RAP1GAP2: variants seen among roughly 807,000 people sequenced by gnomAD.
The protein encoded by RAP1GAP2 is rap1 GTPase-activating protein 2.
In RAP1GAP2, 27 loss-of-function variants were observed where a neutral mutation model predicts 95.0. That is an observed-to-expected ratio of 0.28 (90% CI 0.21 to 0.39). The LOEUF (loss-of-function observed/expected upper bound fraction) is 0.39, where lower values mean the gene tolerates loss of function less well. Ranked by LOEUF, RAP1GAP2 falls within the 10% of genes least tolerant of loss-of-function variation. The pLI, the probability that RAP1GAP2 is intolerant of heterozygous loss-of-function variation, is 1.00. For missense variants in RAP1GAP2, 771 were observed against 970.0 expected (o/e 0.79, Z 2.72); for synonymous variants, 373 against 380.9 (o/e 0.98, Z 0.24).
chr17:2,852,902 C>A (rs950148872), intron 2 of RAP1GAP2, among the ~76,000 whole-genome samples: 1 of 152,054 alleles, frequency 6.6e-6, no homozygotes, highest in African/African-American at 2.4e-5. Context: ...GACCTTCCGC[C>A]CTTCCTTTCC....
At chr17:3,014,545 A>ATTTTTTTTTTT (rs10542901) in intron 17 of RAP1GAP2, among the ~76,000 whole-genome samples, 1 of 105,102 alleles carries the variant, frequency 9.5e-6, no homozygotes, top group Non-Finnish European at 1.9e-5. Flanking sequence ...AAAGATGCTG[A>ATTTTTTTTTTT]TTTTTTTTTT....
At chr17:2,925,190 A>G (rs1381097198) in intron 3 of RAP1GAP2, among the ~76,000 whole-genome samples, 1 of 152,212 alleles carries the variant, frequency 6.6e-6, no homozygotes, top group South Asian at 2.1e-4. Flanking sequence ...CTTTGAAGAC[A>G]TAATGGCCGT....
chr17:2,826,834 C>T (rs759149118), intron 2 of RAP1GAP2, among the ~76,000 whole-genome samples: 28 of 152,046 alleles, frequency 1.8e-4, no homozygotes, highest in Non-Finnish European at 3.2e-4. Context: ...GGCGAAACCC[C>T]GTCTCTACTA....
At chr17:3,031,088 C>T in intron 23 of RAP1GAP2, 90 bp downstream of exon 23, 1 of 1,342,268 alleles carries the variant, frequency 7.5e-7, no homozygotes, top group Admixed American at 2.0e-5. Flanking sequence ...TTCAGACATC[C>T]CAGAGGGGGC....
intron 3 of RAP1GAP2, among the ~76,000 whole-genome samples, chr17:2,928,201 C>A (rs2043029443): frequency 1.3e-5 from 2 of 152,354 alleles, no homozygotes; most frequent in South Asian, 2.1e-4. Flanking sequence ...CTGTCCGCTT[C>A]CCATTCACAC....
rs1597846626 is a variant in RAP1GAP2, at chr17:3,003,269, G to A, written c.1201-2100G>A. 6.6e-6 allele frequency among the ~76,000 whole-genome samples: 1 copy of A among 152,132 alleles called. No individual in the cohort carries two copies. Among genetic ancestry groups the A allele is most frequent in the South Asian group, 2.1e-4 (1 of 4,826 alleles). ...TGGCTCCACGGAGTCGGGTGTGCAC[G>A]AAGCATCACTCTGGATTATTTTTCA... is the stretch of plus-strand genomic sequence containing the variant. On this transcript the variant is annotated intron_variant, in intron 14 of 24. Coordinates refer to ENST00000254695, the MANE Select transcript of RAP1GAP2 (RefSeq NM_015085.5). The surrounding 1 kb of genome is among the most constrained non-coding windows in gnomAD (Gnocchi z 4.1).
At chr17:2,794,924 C>CTGGAG (rs1437547142), upstream of RAP1GAP2, among the ~76,000 whole-genome samples, 2 of 117,842 alleles carry the variant, frequency 1.7e-5, no homozygotes, top group African/African-American at 6.5e-5. Context: ...GTTGCACAGG[C>CTGGAG]TGGAGTACAA....
Position 2,963,121 on chromosome 17 carries a change from G to T in RAP1GAP2, c.247-309G>T. On this transcript the variant is annotated intron_variant, in intron 5 of 24. Coordinates refer to ENST00000254695, the MANE Select transcript of RAP1GAP2 (RefSeq NM_015085.5). This position sits in a 1 kb window ranked among gnomAD's most constrained non-coding sequence, Gnocchi z 4.8. ...TCCGCCTGCCTGGAAAGGGGTGCTG[G>T]GGGAGACTAGGGGTCATTTTCCGGA... 1.8e-6 allele frequency: 1 copy of T among 551,494 alleles called. No homozygotes were observed. The highest frequency in any genetic ancestry group is 3.2e-6 in the Non-Finnish European group (1 of 309,338). 34.2% of individuals were successfully genotyped at this position (551,494 alleles called of 1,614,324 possible). A position where few individuals can be genotyped will look rare whatever the true frequency, so the allele number is the denominator to read the frequency against.
rs537344043 is a variant in RAP1GAP2 at position 3,005,521 on chromosome 17, C to T, written c.1272+81C>T. On this transcript the variant is annotated intron_variant, in intron 15 of 24. Transcript: ENST00000254695. The surrounding 1 kb of genome is among the most constrained non-coding windows in gnomAD (Gnocchi z 5.2). ...TGAGTAGCAATGGTTGGGATGGAGC[C>T]AAATTCAGGCTGGGAACATTAGGGA... The T allele has an allele frequency of 1.5e-3, 2,182 of 1,476,566 alleles. 3 individuals are homozygous for T. Among genetic ancestry groups the T allele is most frequent in the Non-Finnish European group, 1.9e-3 (1,985 of 1,055,018 alleles). 91.5% of individuals were successfully genotyped at this position (1,476,566 alleles called of 1,614,324 possible).
In RAP1GAP2 at chr17:3,027,784, GGAGGGGAGGGGAGA is replaced by G. The variant is rs2047173258; in HGVS notation, c.2107+716_2107+729del. Among the ~76,000 whole-genome samples the G allele has an allele frequency of 2.0e-5, 3 of 149,604 alleles. No homozygotes were observed. The highest frequency in any genetic ancestry group is 3.0e-5 in the Non-Finnish European group (2 of 67,282). On this transcript the variant is annotated intron_variant, in intron 22 of 24. Coordinates refer to ENST00000254695, the MANE Select transcript of RAP1GAP2 (RefSeq NM_015085.5). This position sits in a 1 kb window ranked among gnomAD's most constrained non-coding sequence, Gnocchi z 5.2. Reference sequence around the variant, plus strand: ...GAGAGCAGGAGCAGAGGGGAGGGATGGAGGGGAGGGGAGAGGAGGGGAGGGGAGCTGCGGCAGAA... The same window carrying G: ...GAGAGCAGGAGCAGAGGGGAGGGATGGGAGGGGAGGGGAGCTGCGGCAGAA...
chr17:2,877,708 G>A (rs774354284), intron 2 of RAP1GAP2, among the ~76,000 whole-genome samples: 5 of 152,192 alleles, frequency 3.3e-5, no homozygotes, highest in African/African-American at 7.2e-5. Context: ...CTGAGATTGC[G>A]CCACTGTACT....
rs922099505 is a variant in RAP1GAP2 at position 2,963,224 on chromosome 17, G to T, written c.247-206G>T. Reference sequence around the variant, plus strand: ...CCTTCGGACACTGCATCATCAGCTGGCAGGGTTTATGTTTGGGTTCTGTCA... The same window carrying T: ...CCTTCGGACACTGCATCATCAGCTGTCAGGGTTTATGTTTGGGTTCTGTCA... On this transcript the variant is annotated intron_variant, in intron 5 of 24. Transcript: ENST00000254695. The surrounding 1 kb of genome is among the most constrained non-coding windows in gnomAD (Gnocchi z 4.8). 7.8e-6 allele frequency: 5 copies of T among 638,312 alleles called. No homozygotes were observed. The East Asian group carries it at 8.3e-5, about 11-fold the overall frequency. The allele number at this position is 638,312 out of a possible 1,614,324, so 39.5% of individuals were successfully genotyped here.
At chr17:2,960,084 C>T (rs914449475) in intron 4 of RAP1GAP2, among the ~76,000 whole-genome samples, 11 of 139,258 alleles carry the variant, frequency 7.9e-5, no homozygotes, top group African/African-American at 2.3e-4. Context: ...GAGATTGCGC[C>T]ACTGCATTCA....
chr17:2,948,926 AG>A (rs2043812702), intron 3 of RAP1GAP2, among the ~76,000 whole-genome samples: 1 of 152,166 alleles, frequency 6.6e-6, no homozygotes, highest in Non-Finnish European at 1.5e-5. Flanking sequence ...ACCGGCAAGT[AG>A]GGGCATTGGG....
intron 3 of RAP1GAP2, among the ~76,000 whole-genome samples, chr17:2,932,093 C>G (rs1435848081): frequency 6.6e-6 from 1 of 152,208 alleles, no homozygotes; most frequent in East Asian, 1.9e-4. Flanking sequence ...TCCGTTGTCC[C>G]AGGTGGAGGA....
chr17:2,792,331 G>T (rs541852273), upstream of RAP1GAP2, among the ~76,000 whole-genome samples: 1 of 152,352 alleles, frequency 6.6e-6, no homozygotes, highest in East Asian at 1.9e-4. Flanking sequence ...TCCCGTGACG[G>T]CCTTGGAGCC....
rs980436963 is a variant in RAP1GAP2 at position 2,827,885 on chromosome 17, C to G, written c.80+27335C>G. ...TCGGTTGCAGCAGGCACGCCAGTGA[C>G]GGTGGGGGCCCAGGGGGAGCGTGGC... On this transcript the variant is annotated intron_variant, in intron 2 of 24. Coordinates refer to ENST00000254695, the MANE Select transcript of RAP1GAP2 (RefSeq NM_015085.5). This position sits in a 1 kb window ranked among gnomAD's most constrained non-coding sequence, Gnocchi z 4.1. Among the ~76,000 whole-genome samples the G allele has an allele frequency of 2.0e-5, 3 of 152,010 alleles. No homozygotes were observed. Among genetic ancestry groups the G allele is most frequent in the Non-Finnish European group, 4.4e-5 (3 of 68,008 alleles).
intron 1 of RAP1GAP2, among the ~76,000 whole-genome samples, chr17:2,786,988 G>C (rs2068797363): frequency 2.7e-5 from 3 of 109,618 alleles, no homozygotes; most frequent in South Asian, 6.3e-4. Context: ...GTCTCGCTCT[G>C]TCCCCAGGCT....
At chr17:2,861,211 A>G (rs2072373864) in intron 2 of RAP1GAP2, among the ~76,000 whole-genome samples, 1 of 151,056 alleles carries the variant, frequency 6.6e-6, no homozygotes, top group Non-Finnish European at 1.5e-5. Flanking sequence ...CCCTCCAGTC[A>G]TTACTGCTTT....
Sources: allele counts gnomAD v4.1 joint callset (sites outside exome capture counted in the v4.1 genomes callset), GRCh38; gene constraint gnomAD v4.1.1; non-coding constraint Gnocchi (gnomAD v3.1); transcripts MANE v1.5; gene names NCBI Gene and HGNC (gene_info 2026-07-23, HGNC 2026-07-21).